NMBR: variants seen among roughly 807,000 people sequenced by gnomAD.
NMBR encodes neuromedin-B receptor.
NMBR carries 16 observed loss-of-function variants against 20.5 expected under a neutral mutation model. The ratio of observed to expected loss-of-function variants is 0.78; its 90% CI spans 0.53 to 1.19. The LOEUF is 1.19. Among genes scored for constraint, NMBR ranks in the 50% most tolerant of loss-of-function variants. The pLI is 0.00. For missense variants in NMBR, 582 were observed against 499.1 expected (o/e 1.17, Z -1.58); for synonymous variants, 212 against 196.6 (o/e 1.08, Z -0.65).
chr6:142,096,823 C>G (rs1192833597), intron 1 of NMBR, among the ~76,000 whole-genome samples: 3 of 151,736 alleles, frequency 2.0e-5, no homozygotes, highest in African/African-American at 4.8e-5. Context: ...CTTTGTAGGT[C>G]TCTAAGGACT....
chr6:142,084,991 G>T (rs1425531819), intron 2 of NMBR, among the ~76,000 whole-genome samples: 5 of 152,158 alleles, frequency 3.3e-5, no homozygotes, highest in Admixed American at 2.0e-4. Flanking sequence ...ATGTAAGCAA[G>T]CAAGCAATAT....
At chr6:142,140,271 G>T (rs181409913) in intron 1 of NMBR, among the ~76,000 whole-genome samples, 207 of 151,972 alleles carry the variant, frequency 1.4e-3, no homozygotes, top group African/African-American at 4.8e-3. Context: ...ATAAACCTCG[G>T]CAAATCAAAT....
chr6:142,126,261 C>CTGTGTG (rs34172798), intron 1 of NMBR, among the ~76,000 whole-genome samples: 4 of 149,284 alleles, frequency 2.7e-5, no homozygotes, highest in South Asian at 2.1e-4. Context: ...CTCTCTCTCT[C>CTGTGTG]TGTGTGTGTG....
At position 142,133,778 on chromosome 6, in the gene NMBR, T is replaced by C. The variant is rs548093697; in HGVS notation, c.-664+13266A>G. The C allele has an allele frequency of 3.0e-4, 163 of 547,092 alleles. 1 individual carries two copies. In the Middle Eastern group the frequency reaches 4.7e-3, roughly 16 times the overall value. 33.9% of individuals were successfully genotyped at this position (547,092 alleles called of 1,614,324 possible). On this transcript the variant is annotated intron_variant, in intron 1 of 3. Transcript: ENST00000258042. ...ACTCTTACATTTTTTAAATGTGATA[T>C]AAGGATTTTTTTAAATGTCCTCCTT...
intron 1 of NMBR, among the ~76,000 whole-genome samples, chr6:142,136,571 A>G (rs1400494044): frequency 6.6e-6 from 1 of 152,152 alleles, no homozygotes; most frequent in Non-Finnish European, 1.5e-5. Flanking sequence ...GTCCTTGCCC[A>G]TGCCTATGTC....
intron 1 of NMBR, among the ~76,000 whole-genome samples, chr6:142,115,074 C>T (rs1030326410): frequency 3.3e-5 from 5 of 152,168 alleles, no homozygotes; most frequent in Non-Finnish European, 7.4e-5. Context: ...ATTGTTTGCT[C>T]ACGAAGCTGT....
intron 3 of NMBR, among the ~76,000 whole-genome samples, chr6:142,077,121 T>G (rs183264416): frequency 4.6e-4 from 70 of 152,322 alleles, no homozygotes; most frequent in Admixed American, 4.2e-3. Context: ...TTCTAAGCAG[T>G]GTCATGCCTT....
chr6:142,135,803 T>C (rs1248047314), intron 1 of NMBR, among the ~76,000 whole-genome samples: 4 of 152,114 alleles, frequency 2.6e-5, no homozygotes, highest in Non-Finnish European at 5.9e-5. Flanking sequence ...ATTTCATCCA[T>C]GTCCCTACAA....
chr6:142,122,288 C>T (rs1431040440), intron 1 of NMBR, among the ~76,000 whole-genome samples: 2 of 151,754 alleles, frequency 1.3e-5, no homozygotes. Context: ...GCTAAGAGAG[C>T]TAAAGAAGCT....
At chr6:142,117,455 G>T (rs759056803) in intron 1 of NMBR, among the ~76,000 whole-genome samples, 1 of 151,826 alleles carries the variant, frequency 6.6e-6, no homozygotes, top group Admixed American at 6.6e-5. Context: ...AGGGAGCAAA[G>T]GTGTCTTATA....
intron 1 of NMBR, among the ~76,000 whole-genome samples, chr6:142,118,457 C>T (rs773772984): frequency 9.2e-5 from 14 of 151,902 alleles, no homozygotes; most frequent in Non-Finnish European, 1.9e-4. Context: ...CACTTATATC[C>T]CTTCAGTTTT....
At chr6:142,130,501 C>T (rs1480254177) in intron 1 of NMBR, among the ~76,000 whole-genome samples, 1 of 151,920 alleles carries the variant, frequency 6.6e-6, no homozygotes, top group Non-Finnish European at 1.5e-5. Context: ...TTCAGAAAAG[C>T]CTAATCCAAA....
chr6:142,146,698 AT>A (rs1281954109), intron 1 of NMBR, among the ~76,000 whole-genome samples: 52 of 152,344 alleles, frequency 3.4e-4, no homozygotes, highest in African/African-American at 1.2e-3. Context: ...TTTAAGCTTC[AT>A]ATGTTTAGCT....
At chr6:142,077,633 T>C (rs1284802938) in intron 3 of NMBR, among the ~76,000 whole-genome samples, 1 of 152,182 alleles carries the variant, frequency 6.6e-6, no homozygotes, top group Non-Finnish European at 1.5e-5. Flanking sequence ...TTACCTTCCA[T>C]GCAAGAAAAC....
rs770923715 is a variant in NMBR, at chr6:142,075,770, T to C, written c.1051A>G (p.Thr351Ala). The change falls in exon 4 of 4, where the codon ACC becomes GCC. Residue 351 changes from threonine (T) to alanine (A), a missense_variant. Thr to Ala is a moderately conservative substitution (Grantham distance 58). Transcript: ENST00000258042. ...CGRKSYQERG[T>A]SYLLSSSAVR... ...GCTGAAGAGCTGAGTAGGTAGCTGG[T>C]TCCTCTCTCTTGATAGGACTTCCTC... 7.4e-6 allele frequency: 12 copies of C among 1,613,976 alleles called. No homozygotes were observed. The highest frequency in any genetic ancestry group is 1.7e-5 in the Admixed American group (1 of 59,992).
At chr6:142,123,476 A>C (rs1777980368) in intron 1 of NMBR, among the ~76,000 whole-genome samples, 1 of 151,994 alleles carries the variant, frequency 6.6e-6, no homozygotes. Flanking sequence ...ATTGGCTCCA[A>C]TTTTGAAAGA....
intron 1 of NMBR, among the ~76,000 whole-genome samples, chr6:142,118,906 G>T (rs888696241): frequency 3.9e-5 from 6 of 152,100 alleles, no homozygotes; most frequent in African/African-American, 1.2e-4. Flanking sequence ...CATAGGAAAA[G>T]ATTCTGAGAT....
At chr6:142,112,598 CTG>C (rs1777785402) in intron 1 of NMBR, among the ~76,000 whole-genome samples, 1 of 152,136 alleles carries the variant, frequency 6.6e-6, no homozygotes, top group Non-Finnish European at 1.5e-5. Flanking sequence ...AATAAATCCT[CTG>C]TGGCAATAGG....
In NMBR at chr6:142,075,590, G is replaced by T; in HGVS notation, c.*58C>A. 1 of 1,483,972 alleles carries T rather than the reference G, an allele frequency of 6.7e-7. No individual in the cohort carries two copies. Among genetic ancestry groups the T allele is most frequent in the South Asian group, 1.4e-5 (1 of 73,226 alleles). 91.9% of individuals were successfully genotyped at this position (1,483,972 alleles called of 1,614,324 possible). On this transcript the variant is annotated 3_prime_UTR_variant, in exon 4 of 4. Transcript: ENST00000258042. ...AAGCAACAGCAAGTTCTGATCTGCC[G>T]AATAGGAATTTTAACAGTTACTAAG...
Sources: allele counts gnomAD v4.1 joint callset (sites outside exome capture counted in the v4.1 genomes callset), GRCh38; gene constraint gnomAD v4.1.1; transcripts MANE v1.5; gene names NCBI Gene and HGNC (gene_info 2026-07-23, HGNC 2026-07-21).